ROBO1: variants seen among roughly 807,000 people sequenced by gnomAD.
ROBO1 encodes the protein roundabout homolog 1.
ROBO1 carries 149 observed loss-of-function variants against 195.9 expected under a neutral mutation model. That is an observed-to-expected ratio of 0.76 (90% confidence interval 0.67 to 0.87). The LOEUF (loss-of-function observed/expected upper bound fraction) is 0.87, where lower values mean the gene tolerates loss of function less well. Among genes scored for constraint, ROBO1 ranks in the 40% least tolerant of loss-of-function variants. The probability of loss-of-function intolerance (pLI) is 0.00; values close to 1 mark genes in which losing one functional copy is unlikely to be tolerated. For synonymous variants in ROBO1, 816 were observed against 733.2 expected (o/e 1.11, Z -1.82); for missense variants, 1,933 against 2,068.3 (o/e 0.93, Z 1.27).
chr3:79,016,708 G>A (rs2077946333), intron 3 of ROBO1, among the ~76,000 whole-genome samples: 1 of 152,074 alleles, frequency 6.6e-6, no homozygotes, highest in African/African-American at 2.4e-5. Context: ...CTCAAACAGT[G>A]ACTAATGACC....
At chr3:79,222,565 T>C (rs571698465) in intron 2 of ROBO1, among the ~76,000 whole-genome samples, 16 of 152,048 alleles carry the variant, frequency 1.1e-4, no homozygotes, top group Middle Eastern at 3.4e-3. Flanking sequence ...CTTATTTTTC[T>C]CCTTTCTATC....
At chr3:78,839,490 G>C (rs190039051) in intron 4 of ROBO1, among the ~76,000 whole-genome samples, 69 of 149,282 alleles carry the variant, frequency 4.6e-4, no homozygotes, top group African/African-American at 1.6e-3. Flanking sequence ...ATGCTCCATT[G>C]ATAACATTAA....
intron 1 of ROBO1, among the ~76,000 whole-genome samples, chr3:79,684,097 C>T (rs1947029372): frequency 6.6e-6 from 1 of 152,092 alleles, no homozygotes; most frequent in South Asian, 2.1e-4. Flanking sequence ...TTCTTCAGAT[C>T]TTCACCAATA....
intron 2 of ROBO1, among the ~76,000 whole-genome samples, chr3:79,429,580 T>A (rs1180329274): frequency 6.6e-6 from 1 of 152,110 alleles, no homozygotes; most frequent in East Asian, 1.9e-4. Context: ...ACAACCTGAT[T>A]AACTGGCACT....
At chr3:79,469,292 A>C (rs1408076595) in intron 2 of ROBO1, among the ~76,000 whole-genome samples, 1 of 152,212 alleles carries the variant, frequency 6.6e-6, no homozygotes, top group Non-Finnish European at 1.5e-5. Flanking sequence ...TTAATCTGGA[A>C]GCAATACACA....
chr3:79,208,506 G>C (rs1174030296), intron 2 of ROBO1, among the ~76,000 whole-genome samples: 1 of 152,176 alleles, frequency 6.6e-6, no homozygotes, highest in Non-Finnish European at 1.5e-5. Flanking sequence ...CATGACTTGA[G>C]AGAGAGTATA....
intron 2 of ROBO1, among the ~76,000 whole-genome samples, chr3:79,195,693 A>G (rs552478409): frequency 6.6e-6 from 1 of 151,664 alleles, no homozygotes; most frequent in East Asian, 1.9e-4. Flanking sequence ...TGTACTTCCT[A>G]TGGTCAATAA....
chr3:78,700,999 G>A (rs1370088554), intron 8 of ROBO1, among the ~76,000 whole-genome samples: 1 of 152,036 alleles, frequency 6.6e-6, no homozygotes, highest in East Asian at 1.9e-4. Context: ...GGTAACCTCG[G>A]GTGATCCACC....
intron 3 of ROBO1, among the ~76,000 whole-genome samples, chr3:79,124,458 T>C (rs981429674): frequency 3.3e-5 from 5 of 152,266 alleles, no homozygotes; most frequent in Non-Finnish European, 7.4e-5. Context: ...TCAAGTCTAT[T>C]ATTTTATCTA....
chr3:79,195,095 G>A (rs939371766), intron 2 of ROBO1, among the ~76,000 whole-genome samples: 4 of 151,464 alleles, frequency 2.6e-5, no homozygotes, highest in African/African-American at 9.7e-5. Context: ...GACTTCAGGT[G>A]GCTTTGGGTT....
intron 3 of ROBO1, among the ~76,000 whole-genome samples, chr3:79,047,944 G>A (rs998752699): frequency 6.6e-6 from 1 of 152,064 alleles, no homozygotes; most frequent in Non-Finnish European, 1.5e-5. Flanking sequence ...AGGCATATAG[G>A]CATATATACT....
chr3:78,830,813 A>C (rs1210685125), intron 4 of ROBO1, among the ~76,000 whole-genome samples: 3 of 152,214 alleles, frequency 2.0e-5, no homozygotes, highest in African/African-American at 7.2e-5. Flanking sequence ...TAGATTTAGA[A>C]CACGGCTTGG....
chr3:79,265,108 G>A (rs2083014705), intron 2 of ROBO1, among the ~76,000 whole-genome samples: 1 of 151,704 alleles, frequency 6.6e-6, no homozygotes, highest in South Asian at 2.1e-4. Context: ...ATCACATTAG[G>A]TTAAAATTAC....
intron 7 of ROBO1, among the ~76,000 whole-genome samples, chr3:78,716,789 C>A (rs1296171002): frequency 6.6e-6 from 1 of 152,144 alleles, no homozygotes; most frequent in Non-Finnish European, 1.5e-5. Context: ...TTCCCTAAGG[C>A]TCCCTGATTC....
At chr3:79,473,931 T>G (rs114301043) in intron 2 of ROBO1, among the ~76,000 whole-genome samples, 2,086 of 152,214 alleles carry the variant, frequency 0.014, 48 homozygotes, top group African/African-American at 0.047. Flanking sequence ...AAATTATGTC[T>G]AAGAAATATG....
chr3:79,133,305 T>G (rs2080327597), intron 2 of ROBO1, among the ~76,000 whole-genome samples: 1 of 107,562 alleles, frequency 9.3e-6, no homozygotes, highest in African/African-American at 3.7e-5. Context: ...ATTCTCCACA[T>G]CACTTTCAGG....
chr3:78,756,053 T>C (rs1480210330), intron 4 of ROBO1, among the ~76,000 whole-genome samples: 1 of 152,236 alleles, frequency 6.6e-6, no homozygotes, highest in East Asian at 1.9e-4. Flanking sequence ...AAAACTCAAA[T>C]ACATCTGATA....
At chr3:79,483,218 A>G (rs1457958252) in intron 2 of ROBO1, among the ~76,000 whole-genome samples, 1 of 152,222 alleles carries the variant, frequency 6.6e-6, no homozygotes, top group Non-Finnish European at 1.5e-5. Context: ...ACATTGTGAA[A>G]AATGGCAGAT....
At chr3:79,586,409 A>G (rs1055403189) in intron 2 of ROBO1, among the ~76,000 whole-genome samples, 2 of 151,920 alleles carry the variant, frequency 1.3e-5, no homozygotes, top group African/African-American at 4.8e-5. Context: ...ATCATTTCAG[A>G]AAATTTCACA....
Sources: allele counts gnomAD v4.1 joint callset (sites outside exome capture counted in the v4.1 genomes callset), GRCh38; gene constraint gnomAD v4.1.1; transcripts MANE v1.5; gene names NCBI Gene and HGNC (gene_info 2026-07-23, HGNC 2026-07-21).